CPED1: variants seen among roughly 807,000 people sequenced by gnomAD.
The protein encoded by CPED1 is cadherin-like and PC-esterase domain-containing protein 1.
CPED1 carries 114 observed loss-of-function variants against 128.2 expected under a neutral mutation model. The observed-to-expected ratio is 0.89, with a 90% CI of 0.76 to 1.04. The LOEUF (loss-of-function observed/expected upper bound fraction) is 1.04. Among genes scored for constraint, CPED1 ranks in the 50% least tolerant of loss-of-function variants. The pLI, the probability that CPED1 is intolerant of heterozygous loss-of-function variation, is 0.00. For missense variants in CPED1, 1,211 were observed against 1,207.1 expected (o/e 1.00, Z -0.05); for synonymous variants, 462 against 426.7 (o/e 1.08, Z -1.02).
chr7:121,068,149 T>C (rs1793892927), intron 5 of CPED1, among the ~76,000 whole-genome samples: 1 of 152,254 alleles, frequency 6.6e-6, no homozygotes, highest in African/African-American at 2.4e-5. Context: ...TTGGCTTTTG[T>C]TGCCATTGCT....
rs2721375 is a variant in CPED1, at chr7:121,064,235, C to T, written c.541-3C>T. ...TCACTAGAATCTTTTTCATTCCTTT[C>T]AGGCAAACAGATTACCAGAAATACA... On this transcript the variant is annotated splice_region_variant and splice_polypyrimidine_tract_variant and intron_variant, in intron 4 of 22. Coordinates refer to ENST00000310396, the MANE Select transcript of CPED1 (RefSeq NM_024913.5). 1,477,079 of 1,597,514 alleles carry T rather than the reference C, an allele frequency of 0.92. 683,629 individuals are homozygous for T. The highest frequency in any genetic ancestry group is 0.97 in the Middle Eastern group (5,855 of 6,034).
chr7:121,269,308 C>T (rs1792190696), intron 21 of CPED1, among the ~76,000 whole-genome samples: 1 of 151,968 alleles, frequency 6.6e-6, no homozygotes, highest in Admixed American at 6.6e-5. Flanking sequence ...CAGGTGCATC[C>T]ATGTTTCTGC....
chr7:121,218,477 C>G (rs764074555), intron 16 of CPED1, among the ~76,000 whole-genome samples: 29 of 151,988 alleles, frequency 1.9e-4, no homozygotes, highest in Non-Finnish European at 3.8e-4. Context: ...ATATGTGGGA[C>G]AGTCCATCCA....
At chr7:121,226,692 C>G (rs1410772017) in intron 16 of CPED1, among the ~76,000 whole-genome samples, 1 of 152,078 alleles carries the variant, frequency 6.6e-6, no homozygotes, top group African/African-American at 2.4e-5. Context: ...AGAAAAATCT[C>G]TCTTAATATT....
Position 121,292,795 on chromosome 7 carries a change from G to C in CPED1, c.2869-2645G>C, listed in dbSNP as rs145026904. 2.7e-3 allele frequency among the ~76,000 whole-genome samples: 406 copies of C among 152,224 alleles called. 3 individuals carry two copies. Among genetic ancestry groups the C allele is most frequent in the Non-Finnish European group, 4.4e-3 (296 of 68,014 alleles). On this transcript the variant is annotated intron_variant, in intron 22 of 22. Transcript: ENST00000310396. Reference sequence around the variant, plus strand: ...AGGCCGCTCTTCTGCAAGTCTGCTGGAGTTTGCTAGAGGTCCACCCCAGGC... The same window carrying C: ...AGGCCGCTCTTCTGCAAGTCTGCTGCAGTTTGCTAGAGGTCCACCCCAGGC...
intron 16 of CPED1, among the ~76,000 whole-genome samples, chr7:121,201,627 G>T (rs759148758): frequency 1.3e-5 from 2 of 152,060 alleles, no homozygotes; most frequent in African/African-American, 4.8e-5. Flanking sequence ...TCACACCTAG[G>T]TAGGGAGCAG....
intron 16 of CPED1, among the ~76,000 whole-genome samples, chr7:121,194,747 C>T (rs1394562641): frequency 3.3e-5 from 5 of 151,478 alleles, no homozygotes; most frequent in Non-Finnish European, 7.4e-5. Context: ...AAAAACATCC[C>T]TTTCTCTCAT....
chr7:121,018,175 T>C (rs1159000898), intron 3 of CPED1, among the ~76,000 whole-genome samples: 1 of 152,186 alleles, frequency 6.6e-6, no homozygotes, highest in Non-Finnish European at 1.5e-5. Context: ...TAATCTAACA[T>C]TTCCTTGATG....
chr7:121,098,582 A>G (rs1346966060), intron 6 of CPED1, among the ~76,000 whole-genome samples: 1 of 151,282 alleles, frequency 6.6e-6, no homozygotes, highest in Non-Finnish European at 1.5e-5. Context: ...AAATAGAAAA[A>G]TTAGCCAGGC....
At chr7:121,293,480 C>G (rs1792754765) in intron 22 of CPED1, among the ~76,000 whole-genome samples, 1 of 152,122 alleles carries the variant, frequency 6.6e-6, no homozygotes, top group South Asian at 2.1e-4. Flanking sequence ...CCACTCAGCT[C>G]TCTGGCTTCA....
At chr7:121,038,360 T>C (rs1792957466) in intron 3 of CPED1, among the ~76,000 whole-genome samples, 1 of 152,150 alleles carries the variant, frequency 6.6e-6, no homozygotes, top group South Asian at 2.1e-4. Flanking sequence ...TGATCTATTT[T>C]TCAGTCCTCT....
chr7:121,280,944 C>G (rs1224136782), intron 22 of CPED1, among the ~76,000 whole-genome samples: 1 of 152,108 alleles, frequency 6.6e-6, no homozygotes, highest in Non-Finnish European at 1.5e-5. Flanking sequence ...ACACATTTGC[C>G]TGGCCAATCT....
chr7:121,270,499 G>T (rs952467354), intron 21 of CPED1, among the ~76,000 whole-genome samples: 2 of 151,938 alleles, frequency 1.3e-5, no homozygotes, highest in African/African-American at 4.8e-5. Context: ...TTTTCTCCTA[G>T]GATTTTTATA....
chr7:121,203,325 T>A (rs1797442034), intron 16 of CPED1, among the ~76,000 whole-genome samples: 1 of 152,120 alleles, frequency 6.6e-6, no homozygotes, highest in East Asian at 1.9e-4. Flanking sequence ...GGTCCACCAA[T>A]TAATTATTCT....
chr7:121,111,480 A>G lies in CPED1; in HGVS notation c.918+11386A>G, dbSNP rs570950808. On this transcript the variant is annotated intron_variant, in intron 7 of 22. Transcript: ENST00000310396. ...GCCACCATAAAATTGGGTTATTTTC[A>G]AATAGATGGTGCCTCAAATCACAAG... Among the ~76,000 whole-genome samples, 3 of 152,286 alleles carry G rather than the reference A, an allele frequency of 2.0e-5. No individual in the cohort carries two copies. The South Asian group carries it at 6.2e-4, about 32-fold the overall frequency.
chr7:121,035,224 A>G (rs565249868), intron 3 of CPED1, among the ~76,000 whole-genome samples: 3 of 152,146 alleles, frequency 2.0e-5, no homozygotes, highest in African/African-American at 7.2e-5. Context: ...TGTGCTAAGG[A>G]ATTTGACCTG....
At chr7:121,058,347 A>G (rs967317976) in intron 4 of CPED1, among the ~76,000 whole-genome samples, 1 of 152,178 alleles carries the variant, frequency 6.6e-6, no homozygotes. Context: ...GAGACTAATT[A>G]TCGTAATAAT....
chr7:121,232,587 C>T (rs942663743), intron 16 of CPED1, among the ~76,000 whole-genome samples: 13 of 152,006 alleles, frequency 8.6e-5, no homozygotes, highest in African/African-American at 3.1e-4. Context: ...AATTTATCTC[C>T]CCAGGAATGT....
At chr7:121,143,897 G>C (rs1472321727) in intron 16 of CPED1, among the ~76,000 whole-genome samples, 1 of 151,788 alleles carries the variant, frequency 6.6e-6, no homozygotes, top group Non-Finnish European at 1.5e-5. Context: ...GTAGCTAAAA[G>C]TTGAAAAAAA....
Sources: gnomAD v4.1 joint callset for allele counts (sites outside exome capture counted in the v4.1 genomes callset) on GRCh38, gnomAD v4.1.1 for gene constraint, MANE v1.5 for transcripts, NCBI Gene and HGNC (gene_info 2026-07-23, HGNC 2026-07-21) for gene names.